Variants in PITPNM3 observed in about 807,000 individuals in gnomAD.
PITPNM3 encodes the protein membrane-associated phosphatidylinositol transfer protein 3.
PITPNM3 carries 26 observed loss-of-function variants against 102.0 expected under a neutral mutation model. The ratio of observed to expected loss-of-function variants is 0.25; its 90% CI spans 0.19 to 0.35. The LOEUF is 0.35. PITPNM3 is among the 10% of genes least tolerant of loss of function. PITPNM3 has a pLI of 1.00. For synonymous variants in PITPNM3, 578 were observed against 558.6 expected (o/e 1.03, Z -0.49); for missense variants, 1,083 against 1,346.1 (o/e 0.80, Z 3.06).
chr17:6,512,215 A>G (rs958973803), intron 3 of PITPNM3, among the ~76,000 whole-genome samples: 1 of 152,222 alleles, frequency 6.6e-6, no homozygotes, highest in African/African-American at 2.4e-5. Context: ...AACTGGCTCA[A>G]CTCACACCAG....
intron 2 of PITPNM3, among the ~76,000 whole-genome samples, chr17:6,533,397 A>G (rs898973116): frequency 6.6e-6 from 1 of 152,196 alleles, no homozygotes; most frequent in Non-Finnish European, 1.5e-5. Context: ...CTTGCCATGT[A>G]TATATCTGCT....
chr17:6,546,971 C>T (rs1910052966), intron 1 of PITPNM3, among the ~76,000 whole-genome samples: 2 of 151,858 alleles, frequency 1.3e-5, no homozygotes, highest in Admixed American at 6.6e-5. Flanking sequence ...CGTGCCATTG[C>T]ACTCCAGCCT....
intron 8 of PITPNM3, 31 bp downstream of exon 8, chr17:6,477,944 C>A (rs1433688204): frequency 9.3e-6 from 15 of 1,608,598 alleles, no homozygotes; most frequent in Non-Finnish European, 1.3e-5. Context: ...TATGGGCATA[C>A]CCCTCCCGCG....
intron 3 of PITPNM3, among the ~76,000 whole-genome samples, chr17:6,511,342 T>C (rs1450692162): frequency 6.6e-6 from 1 of 152,196 alleles, no homozygotes; most frequent in Non-Finnish European, 1.5e-5. Context: ...CTAGTCTTTT[T>C]CTCCTCCTCC....
At position 6,461,389 on chromosome 17, in the gene PITPNM3, C is replaced by T. The variant is rs148826628; in HGVS notation, c.2474G>A (p.Arg825His). Residue 825 changes from arginine to histidine, a missense_variant, in exon 18 of 20, where the codon CGC becomes CAC. By Grantham distance (29) the Arg-to-His change is conservative. Coordinates refer to ENST00000262483, the MANE Select transcript of PITPNM3 (RefSeq NM_031220.4). The part of the protein sequence containing the change: ...DPLRQKAIFL[R>H]NLMQECFIKI... ...GCCACTCACCTCCTGCATGAGGTTGCGCAGGAAGATGGCCTTCTGCCGCAG... is the reference window on the plus strand; with the variant it reads ...GCCACTCACCTCCTGCATGAGGTTGTGCAGGAAGATGGCCTTCTGCCGCAG... The T allele has an allele frequency of 1.6e-5, 26 of 1,613,946 alleles. No homozygotes were observed. The highest frequency in any genetic ancestry group is 2.0e-5 in the Non-Finnish European group (24 of 1,180,038).
At chr17:6,482,024 C>CTCTCTG (rs1905746801) in intron 6 of PITPNM3, among the ~76,000 whole-genome samples, 3 of 100,974 alleles carry the variant, frequency 3.0e-5, no homozygotes, top group Non-Finnish European at 5.7e-5. Flanking sequence ...CTCTCTCTCT[C>CTCTCTG]TCTCTCTCTC....
intron 3 of PITPNM3, among the ~76,000 whole-genome samples, chr17:6,519,436 G>A (rs577815855): frequency 4.3e-4 from 65 of 151,136 alleles, no homozygotes; most frequent in Admixed American, 1.1e-3. Context: ...GGAGAATGAC[G>A]TGAACCTGGG....
At chr17:6,553,804 C>T (rs149596834) in intron 1 of PITPNM3, among the ~76,000 whole-genome samples, 4 of 152,182 alleles carry the variant, frequency 2.6e-5, no homozygotes, top group African/African-American at 7.2e-5. Context: ...TCTGCCCATC[C>T]GAGGCAGGTG....
At chr17:6,519,804 T>C (rs1443258351) in intron 3 of PITPNM3, among the ~76,000 whole-genome samples, 1 of 151,738 alleles carries the variant, frequency 6.6e-6, no homozygotes, top group Non-Finnish European at 1.5e-5. Context: ...TACTCCAGCC[T>C]GGGTGACAGA....
intron 3 of PITPNM3, among the ~76,000 whole-genome samples, chr17:6,521,670 T>A (rs1399808718): frequency 6.6e-6 from 1 of 151,342 alleles, no homozygotes; most frequent in Non-Finnish European, 1.5e-5. Context: ...GATAAATATA[T>A]AACCAAGCTT....
chr17:6,547,558 C>T (rs1910088654), intron 1 of PITPNM3, among the ~76,000 whole-genome samples: 1 of 152,104 alleles, frequency 6.6e-6, no homozygotes, highest in African/African-American at 2.4e-5. Flanking sequence ...CACCTGCAGG[C>T]TCCCCAGGAG....
Position 6,556,525 on chromosome 17 carries a change from C to G in PITPNM3, c.-119G>C. The G allele has an allele frequency of 5.9e-6, 4 of 673,674 alleles. No homozygotes were observed. The highest frequency in any genetic ancestry group is 7.3e-6 in the Non-Finnish European group (4 of 545,568). 41.7% of individuals were successfully genotyped at this position (673,674 alleles called of 1,614,324 possible). A position where few individuals can be genotyped will look rare whatever the true frequency, so the allele number is the denominator to read the frequency against. ...GCCGCGCCCGCGCCCCCGCCCCGCT[C>G]GCCTCGGCTGCCGCCACCGCAGCCG... On this transcript the variant is annotated 5_prime_UTR_variant, in exon 1 of 20. Transcript: ENST00000262483. The surrounding 1 kb of genome is among the most constrained non-coding windows in gnomAD (Gnocchi z 5.2).
At chr17:6,493,802 C>A (rs1320045048) in intron 4 of PITPNM3, among the ~76,000 whole-genome samples, 3 of 152,338 alleles carry the variant, frequency 2.0e-5, no homozygotes, top group South Asian at 2.1e-4. Context: ...AGGGCCTATG[C>A]CCTAAACCCT....
chr17:6,466,866 G>A (rs1904799963), intron 14 of PITPNM3, among the ~76,000 whole-genome samples: 1 of 151,928 alleles, frequency 6.6e-6, no homozygotes, highest in Non-Finnish European at 1.5e-5. Flanking sequence ...CCAACATGGC[G>A]AAACTCCATC....
intron 4 of PITPNM3, among the ~76,000 whole-genome samples, chr17:6,503,247 C>T (rs1184607238): frequency 6.6e-6 from 1 of 152,204 alleles, no homozygotes; most frequent in Admixed American, 6.5e-5. Flanking sequence ...GCCTCCCACC[C>T]CTCACTCTGG....
Position 6,466,966 on chromosome 17 carries a change from A to G in PITPNM3, c.1890+1259T>C, listed in dbSNP as rs375021384. Among the ~76,000 whole-genome samples the G allele has an allele frequency of 9.1e-4, 138 of 151,658 alleles. 4 individuals are homozygous for G. In the South Asian group the frequency reaches 0.028, roughly 31 times the overall value. On this transcript the variant is annotated intron_variant, in intron 14 of 19. Transcript: ENST00000262483. ...GTAATCCCAGCTACTTGGGAGGCTG[A>G]GGTAGAAGAATCACTTGAACCAGGG... is the stretch of plus-strand genomic sequence containing the variant.
intron 10 of PITPNM3, among the ~76,000 whole-genome samples, chr17:6,473,838 G>C (rs12952309): frequency 3.3e-5 from 5 of 151,844 alleles, no homozygotes; most frequent in Non-Finnish European, 7.4e-5. Context: ...TTAGCTGGGC[G>C]TCATGGTGGG....
chr17:6,508,115 G>A (rs540417502), intron 3 of PITPNM3, among the ~76,000 whole-genome samples: 5 of 151,826 alleles, frequency 3.3e-5, no homozygotes, highest in South Asian at 2.1e-4. Flanking sequence ...GAAGAAGCTC[G>A]GGGACCCAGG....
Position 6,455,463 on chromosome 17 carries a change from G to T in PITPNM3, c.2800C>A (p.Pro934Thr), listed in dbSNP as rs1210893751. The T allele has an allele frequency of 6.2e-7, 1 of 1,604,552 alleles. No individual in the cohort carries two copies. Among genetic ancestry groups the T allele is most frequent in the Non-Finnish European group, 8.5e-7 (1 of 1,179,356 alleles). ...TCGGGCTTGGGGTTGGCGGCGGGCGGGTCGGGCTGCTGCACTGACATGGTT... is the reference window on the plus strand; with the variant it reads ...TCGGGCTTGGGGTTGGCGGCGGGCGTGTCGGGCTGCTGCACTGACATGGTT... ...RRTMSVQQPD[P>T]PAANPKPERA... Residue 934 changes from proline (P) to threonine (T), a missense_variant, in exon 20 of 20, where the codon CCG becomes ACG. Pro to Thr is a conservative substitution (Grantham distance 38). This residue lies in a region of PITPNM3 where 208 missense variants were observed against 178.2 expected (regional missense o/e 1.17). Coordinates refer to ENST00000262483, the MANE Select transcript of PITPNM3 (RefSeq NM_031220.4).
Sources: allele counts gnomAD v4.1 joint callset (sites outside exome capture counted in the v4.1 genomes callset), GRCh38; gene constraint gnomAD v4.1.1; regional missense constraint gnomAD v4.1.1; non-coding constraint Gnocchi (gnomAD v3.1); transcripts MANE v1.5; gene names NCBI Gene and HGNC (gene_info 2026-07-23, HGNC 2026-07-21).